Variants in DUOX1 observed in about 807,000 individuals in gnomAD.
DUOX1 encodes dual oxidase 1, also known as NADPH thyroid oxidase 1.
Under a neutral mutation model 181.8 loss-of-function variants are expected in DUOX1, and 134 were observed. The observed-to-expected ratio is 0.74, with a 90% CI of 0.64 to 0.85. The LOEUF (loss-of-function observed/expected upper bound fraction) is 0.85, where lower values mean the gene tolerates loss of function less well. Among genes scored for constraint, DUOX1 ranks in the 40% least tolerant of loss-of-function variants. The pLI is 0.00. For missense variants in DUOX1, 1,814 were observed against 2,064.4 expected (o/e 0.88, Z 2.35); for synonymous variants, 798 against 832.5 (o/e 0.96, Z 0.71).
At chr15:45,139,003 C>T (rs1038103018) in intron 10 of DUOX1, 63 bp from the exon 11 acceptor site, 9 of 1,443,468 alleles carry the variant, frequency 6.2e-6, no homozygotes, top group Admixed American at 1.9e-5. Context: ...TGGAGGGAGC[C>T]GGCTGTCTAA....
chr15:45,139,315 C>A, intron 11 of DUOX1, 112 bp from the exon 12 acceptor site: 1 of 1,588,932 alleles, frequency 6.3e-7, no homozygotes. Flanking sequence ...ACATGCTGAC[C>A]ATGGCTCCTT....
At chr15:45,164,178 C>A (rs375523368) in intron 33 of DUOX1, among the ~76,000 whole-genome samples, 2 of 152,144 alleles carry the variant, frequency 1.3e-5, no homozygotes, top group African/African-American at 4.8e-5. Context: ...AGCTAGTCCT[C>A]GCCAAAAACT....
At chr15:45,142,222 C>A in intron 15 of DUOX1, 110 bp downstream of exon 15, 1 of 1,258,896 alleles carries the variant, frequency 7.9e-7, no homozygotes, top group South Asian at 1.4e-5. Flanking sequence ...AGCATGGTCC[C>A]TTTGGGTAGG....
At chr15:45,162,147 T>C in intron 30 of DUOX1, 72 bp from the exon 31 acceptor site, 1 of 1,557,330 alleles carries the variant, frequency 6.4e-7, no homozygotes, top group South Asian at 1.2e-5. Flanking sequence ...CTACCTTTCC[T>C]TTTCTCTCAT....
chr15:45,143,742 T>C (rs1479152868), intron 16 of DUOX1, among the ~76,000 whole-genome samples: 1 of 152,192 alleles, frequency 6.6e-6, no homozygotes, highest in African/African-American at 2.4e-5. Flanking sequence ...ATCCATAAAA[T>C]AGGAATAATA....
intron 33 of DUOX1, 145 bp from the exon 34 acceptor site, chr15:45,164,634 A>C: frequency 1.2e-6 from 1 of 860,648 alleles, no homozygotes. Flanking sequence ...ATGCCTGGCT[A>C]ATTAAAAATA....
At chr15:45,143,756 G>A (rs956354052) in intron 16 of DUOX1, among the ~76,000 whole-genome samples, 1 of 152,158 alleles carries the variant, frequency 6.6e-6, no homozygotes, top group Admixed American at 6.5e-5. Context: ...AATAATAATA[G>A]CACCTACCTC....
chr15:45,153,213 TC>T (rs1896860744), intron 25 of DUOX1, 166 bp from the exon 26 acceptor site: 1 of 439,274 alleles, frequency 2.3e-6, no homozygotes, highest in Non-Finnish European at 3.8e-6. Flanking sequence ...AGAGTGAGAC[TC>T]CATCTAAAAA....
intron 21 of DUOX1, among the ~76,000 whole-genome samples, chr15:45,149,649 G>A (rs1896755424): frequency 1.3e-5 from 2 of 152,160 alleles, no homozygotes; most frequent in South Asian, 4.1e-4. Flanking sequence ...AGGAGTTTGA[G>A]ACCAGCCTGG....
Position 45,163,868 on chromosome 15 carries a change from C to T in DUOX1, c.4483C>T (p.Arg1495Cys), listed in dbSNP as rs760597809. 7.4e-6 allele frequency: 12 copies of T among 1,613,996 alleles called. No individual in the cohort carries two copies. Among genetic ancestry groups the T allele is most frequent in the Non-Finnish European group, 4.2e-6 (5 of 1,180,028 alleles). ...CCTGCGCTCCATCACCCACTTTGGC[C>T]GTCCCCCCTTTGAGCCCTTCTTCAA... ...TGLRSITHFG[R>C]PPFEPFFNSL... is the part of the protein sequence containing the mutation. Residue 1495 changes from arginine (R) to cysteine (C), a missense_variant, in exon 33 of 34, where the codon CGT becomes TGT. Arg to Cys is a radical substitution (Grantham distance 180). Coordinates refer to ENST00000389037, the MANE Select transcript of DUOX1 (RefSeq NM_175940.3).
At position 45,145,091 on chromosome 15, in the gene DUOX1, G is replaced by A. The variant is rs1188814775; in HGVS notation, c.2322+11G>A. 8 of 1,588,806 alleles carry A rather than the reference G, an allele frequency of 5.0e-6. No individual in the cohort carries two copies. The East Asian group carries it at 1.8e-4, about 35-fold the overall frequency. ...CACCTTTTCTCCCAGGTGTGTACAT[G>A]GGACCAGATCAATCCTTATGCTGTG... On this transcript the variant is annotated intron_variant, in intron 18 of 33. Coordinates refer to ENST00000389037, the MANE Select transcript of DUOX1 (RefSeq NM_175940.3).
chr15:45,144,627 C>G (rs987249388), intron 17 of DUOX1, among the ~76,000 whole-genome samples: 6 of 152,252 alleles, frequency 3.9e-5, no homozygotes, highest in Admixed American at 3.9e-4. Context: ...CCATGATCCC[C>G]TCCATCCTCT....
At chr15:45,144,310 A>G in intron 17 of DUOX1, 75 bp downstream of exon 17, 1 of 1,506,792 alleles carries the variant, frequency 6.6e-7, no homozygotes, top group Non-Finnish European at 9.2e-7. Flanking sequence ...GGGAAGAAGC[A>G]TGGGGTCAGG....
At chr15:45,139,655 T>G in intron 12 of DUOX1, 56 bp downstream of exon 12, 1 of 1,491,308 alleles carries the variant, frequency 6.7e-7, no homozygotes, top group African/African-American at 1.4e-5. Context: ...CACGTGGGCC[T>G]GAGACATGGA....
intron 26 of DUOX1, 39 bp from the exon 27 acceptor site, chr15:45,153,912 C>A: frequency 1.3e-6 from 2 of 1,542,522 alleles, no homozygotes; most frequent in Non-Finnish European, 1.8e-6. Context: ...AGAGAGAGAT[C>A]TCCTCTCAAG....
At chr15:45,155,659 T>C (rs1896952777) in intron 27 of DUOX1, 143 bp from the exon 28 acceptor site, 1 of 1,113,648 alleles carries the variant, frequency 9.0e-7, no homozygotes, top group Non-Finnish European at 1.3e-6. Flanking sequence ...ATCAGTGGTG[T>C]TGGGGGAGAG....
intron 2 of DUOX1, 59 bp downstream of exon 2, chr15:45,132,083 G>A (rs1164782180): frequency 2.1e-6 from 3 of 1,459,078 alleles, no homozygotes; most frequent in African/African-American, 1.4e-5. Flanking sequence ...CATCCTCTGG[G>A]CTCCCCCAAG....
In DUOX1 at chr15:45,141,042, C is replaced by T. The variant is rs368147950; in HGVS notation, c.1537C>T (p.Arg513Cys). The T allele has an allele frequency of 1.0e-4, 162 of 1,614,096 alleles. No homozygotes were observed. Among genetic ancestry groups the T allele is most frequent in the Non-Finnish European group, 1.3e-4 (151 of 1,180,044 alleles). ...EQFVRLRDGD[R>C]YWFENTRNGL... is the part of the protein sequence containing the mutation. ...ATTTGTGCGGCTACGGGATGGTGAC[C>T]GCTACTGGTTTGAGAACACCAGGAA... is the stretch of plus-strand genomic sequence containing the variant. The change falls in exon 13 of 34, where the codon CGC becomes TGC. Residue 513 changes from arginine to cysteine, a missense_variant. This residue lies in a region of DUOX1 where 1,064 missense variants were observed against 1,152.9 expected (regional missense o/e 0.92). Transcript: ENST00000389037.
chr15:45,143,969 G>T, intron 16 of DUOX1, 67 bp from the exon 17 acceptor site: 1 of 1,521,970 alleles, frequency 6.6e-7, no homozygotes, highest in East Asian at 2.3e-5. Context: ...GCCCTGAGCT[G>T]GCCCTCTTCC....
Sources: allele counts gnomAD v4.1 joint callset (sites outside exome capture counted in the v4.1 genomes callset), GRCh38; gene constraint gnomAD v4.1.1; regional missense constraint gnomAD v4.1.1; transcripts MANE v1.5; gene names NCBI Gene and HGNC (gene_info 2026-07-23, HGNC 2026-07-21).